Variants in SH3TC2 observed in about 807,000 individuals in gnomAD.
SH3TC2 encodes the protein SH3 domain and tetratricopeptide repeats 2.
In SH3TC2, 87 loss-of-function variants were observed where a neutral mutation model predicts 124.5. The observed-to-expected ratio is 0.70, with a 90% CI of 0.59 to 0.84. The LOEUF (loss-of-function observed/expected upper bound fraction) is 0.84, where lower values mean the gene tolerates loss of function less well. Among genes scored for constraint, SH3TC2 ranks in the 40% least tolerant of loss-of-function variants. The pLI, the probability that SH3TC2 is intolerant of heterozygous loss-of-function variation, is 0.00. For synonymous variants in SH3TC2, 634 were observed against 628.5 expected (o/e 1.01, Z -0.13); for missense variants, 1,536 against 1,566.4 (o/e 0.98, Z 0.33).
At position 148,984,532 on chromosome 5, in the gene SH3TC2, G is replaced by A. The variant is rs1453905511; in HGVS notation, c.*20179C>T. On this transcript the variant is annotated 3_prime_UTR_variant, in exon 17 of 17. Coordinates refer to ENST00000515425, the MANE Select transcript of SH3TC2 (RefSeq NM_024577.4). ...GAAGGTATGCAGGAAGAGGGAAAAG[G>A]TGAAAATTGAGCATTCCTTGACTAA... Among the ~76,000 whole-genome samples, 1 of 152,156 alleles carries A rather than the reference G, an allele frequency of 6.6e-6. No homozygotes were observed. Among genetic ancestry groups the A allele is most frequent in the Non-Finnish European group, 1.5e-5 (1 of 68,032 alleles).
rs1241172792 is a variant in SH3TC2, at chr5:148,990,265, A to C, written c.*14446T>G. Among the ~76,000 whole-genome samples, 1 of 151,320 alleles carries C rather than the reference A, an allele frequency of 6.6e-6. No homozygotes were observed. Among genetic ancestry groups the C allele is most frequent in the Non-Finnish European group, 1.5e-5 (1 of 68,016 alleles). ...TAAAATATATTCATAGTAAGATGAC[A>C]AACTGTTCCTCTTTAGAAGTACAGA... On this transcript the variant is annotated 3_prime_UTR_variant, in exon 17 of 17. Coordinates refer to ENST00000515425, the MANE Select transcript of SH3TC2 (RefSeq NM_024577.4).
rs1554121737 is a variant in SH3TC2, at chr5:149,028,195, C to A, written c.1537G>T (p.Ala513Ser). The change falls in exon 11 of 17, where the codon GCA becomes TCA. Residue 513 changes from alanine (A) to serine (S), a missense_variant. By Grantham distance (99) the Ala-to-Ser change is moderately conservative. This residue lies in a region of SH3TC2 where 1,102 missense variants were observed against 1,098.6 expected (regional missense o/e 1.00). Coordinates refer to ENST00000515425, the MANE Select transcript of SH3TC2 (RefSeq NM_024577.4). The stretch of plus-strand genomic sequence containing the variant: ...CTCTTCTTGGCCCACTTTCTTGATG[C>A]CTCCAGGTAGGCCACAAACTCATCC... ...EEDEFVAYLEASRKWAKKSHM... is the reference protein window; with the variant it reads ...EEDEFVAYLESSRKWAKKSHM... 1 of 1,614,070 alleles carries A rather than the reference C, an allele frequency of 6.2e-7. No homozygotes were observed.
chr5:149,004,856 G>T lies in SH3TC2; in HGVS notation c.3722C>A (p.Ala1241Glu). The T allele has an allele frequency of 6.2e-7, 1 of 1,614,174 alleles. No homozygotes were observed. The highest frequency in any genetic ancestry group is 8.5e-7 in the Non-Finnish European group (1 of 1,180,032). Residue 1241 changes from alanine to glutamate, a missense_variant, in exon 17 of 17, where the codon GCG becomes GAG. Physicochemically the swap from Ala to Glu is moderately radical, Grantham distance 107. Transcript: ENST00000515425. ...TEYFLLALAA[A>E]VLLGDEELQD... ...AAGCTCCTCATCACCCAGCAGGACC[G>T]CTGCTGCCAGGGCCAGAAGGAAGTA...
intron 9 of SH3TC2, among the ~76,000 whole-genome samples, chr5:149,029,253 G>C (rs1754140029): frequency 6.6e-6 from 1 of 152,194 alleles, no homozygotes; most frequent in South Asian, 2.1e-4. Flanking sequence ...TGTCCACTGG[G>C]CTGGACACTG....
At chr5:149,020,108 G>C (rs990253784) in intron 12 of SH3TC2, among the ~76,000 whole-genome samples, 5 of 49,706 alleles carry the variant, frequency 1.0e-4, no homozygotes, top group Non-Finnish European at 2.0e-4. Flanking sequence ...AACAAGAAAA[G>C]GTCAAACACA....
chr5:149,044,370 G>GA, intron 4 of SH3TC2, 163 bp downstream of exon 4: 1 of 624,324 alleles, frequency 1.6e-6, no homozygotes, highest in Non-Finnish European at 2.9e-6. Flanking sequence ...ATTTGCCTTA[G>GA]ATTTAGTTTG....
At chr5:149,008,623 A>C in intron 15 of SH3TC2, 1 of 601,914 alleles carries the variant, frequency 1.7e-6, no homozygotes, top group Non-Finnish European at 2.9e-6. Context: ...ACTGGTCTTC[A>C]TAACAACTAC....
chr5:149,042,432 A>G (rs751117386), intron 5 of SH3TC2, among the ~76,000 whole-genome samples: 1 of 152,208 alleles, frequency 6.6e-6, no homozygotes, highest in Non-Finnish European at 1.5e-5. Flanking sequence ...AATGGGCCTA[A>G]GTGGAGCCCT....
At position 148,998,019 on chromosome 5, in the gene SH3TC2, T is replaced by C. The variant is rs11168078; in HGVS notation, c.*6692A>G. ...AGGCTGGAGCCCTCCTGCACTTTTT[T>C]AGAGACCACCCTCCAGGTCAGCACT... On this transcript the variant is annotated 3_prime_UTR_variant, in exon 17 of 17. Transcript: ENST00000515425. 0.17 allele frequency among the ~76,000 whole-genome samples: 25,562 copies of C among 152,182 alleles called. 2,489 individuals are homozygous for C. Among genetic ancestry groups the C allele is most frequent in the East Asian group, 0.24 (1,259 of 5,170 alleles).
In SH3TC2 at chr5:149,019,404, T is replaced by C. The variant is rs558192821; in HGVS notation, c.3054-6670A>G. Among the ~76,000 whole-genome samples the C allele has an allele frequency of 7.4e-4, 113 of 152,330 alleles. 1 individual carries two copies. The highest frequency in any genetic ancestry group is 1.4e-3 in the Non-Finnish European group (92 of 68,020). ...GTCATTCTGCAAAGGGACAATGACC[T>C]TATGTGTACAGGGGTTTCCTCTGAC... On this transcript the variant is annotated intron_variant, in intron 12 of 16. Coordinates refer to ENST00000515425, the MANE Select transcript of SH3TC2 (RefSeq NM_024577.4).
At chr5:149,045,423 A>G (rs1754441840) in intron 3 of SH3TC2, 1 of 152,276 alleles carries the variant, frequency 6.6e-6, no homozygotes, top group Non-Finnish European at 1.5e-5. Flanking sequence ...AAAATCCTAA[A>G]TGGTACTGTG....
rs1753423329 is a variant in SH3TC2, at chr5:148,991,780, C to G, written c.*12931G>C. Among the ~76,000 whole-genome samples, 1 of 152,184 alleles carries G rather than the reference C, an allele frequency of 6.6e-6. No homozygotes were observed. Among genetic ancestry groups the G allele is most frequent in the South Asian group, 2.1e-4 (1 of 4,820 alleles). The stretch of plus-strand genomic sequence containing the variant: ...CTGGTGTCCAACCTGCCCTGAATCA[C>G]TCTATACTCACAACAGAAACAGCTG... On this transcript the variant is annotated 3_prime_UTR_variant, in exon 17 of 17. Coordinates refer to ENST00000515425, the MANE Select transcript of SH3TC2 (RefSeq NM_024577.4).
At position 149,062,887 on chromosome 5, in the gene SH3TC2, T is replaced by A. The variant is rs745833645; in HGVS notation, c.52+84A>T. ...TCTCCCCATCTTTGGGAGAAAAGTT[T>A]CTCCAACCCAGCAGGTCCCTGAGCC... On this transcript the variant is annotated intron_variant, in intron 1 of 16. Coordinates refer to ENST00000515425, the MANE Select transcript of SH3TC2 (RefSeq NM_024577.4). 8 of 1,339,446 alleles carry A rather than the reference T, an allele frequency of 6.0e-6. No homozygotes were observed. The South Asian group carries it at 7.5e-5, about 13-fold the overall frequency. The allele number at this position is 1,339,446 out of a possible 1,614,324, so 83.0% of individuals were successfully genotyped here.
In SH3TC2 at chr5:148,989,914, A is replaced by G. The variant is rs536668990; in HGVS notation, c.*14797T>C. On this transcript the variant is annotated 3_prime_UTR_variant, in exon 17 of 17. Coordinates refer to ENST00000515425, the MANE Select transcript of SH3TC2 (RefSeq NM_024577.4). Reference sequence around the variant, plus strand: ...GGAAAAATGAGATACATAACAGAAAAGAATGAGTTCTTGGGGTGTGGGGAT... The same window carrying G: ...GGAAAAATGAGATACATAACAGAAAGGAATGAGTTCTTGGGGTGTGGGGAT... 5.3e-5 allele frequency among the ~76,000 whole-genome samples: 8 copies of G among 152,296 alleles called. No homozygotes were observed. The East Asian group carries it at 1.5e-3, about 29-fold the overall frequency.
At chr5:149,040,261 G>A (rs867286757) in intron 7 of SH3TC2, among the ~76,000 whole-genome samples, 7 of 152,240 alleles carry the variant, frequency 4.6e-5, no homozygotes, top group Admixed American at 2.0e-4. Context: ...CCCACAGGCC[G>A]CATTTGGCTC....
At position 148,982,354 on chromosome 5, in the gene SH3TC2, A is replaced by G. The variant is rs191754280; in HGVS notation, c.*22357T>C. Among the ~76,000 whole-genome samples the G allele has an allele frequency of 1.5e-3, 236 of 152,336 alleles. No homozygotes were observed. The highest frequency in any genetic ancestry group is 2.7e-3 in the Non-Finnish European group (182 of 68,038). ...CAGCGTCTATCAAAACAACAAATGC[A>G]TATGCCCTTAGTATTCTGCTATTTC... On this transcript the variant is annotated 3_prime_UTR_variant, in exon 17 of 17. Coordinates refer to ENST00000515425, the MANE Select transcript of SH3TC2 (RefSeq NM_024577.4).
At chr5:149,019,638 A>G (rs1753934852) in intron 12 of SH3TC2, among the ~76,000 whole-genome samples, 1 of 152,230 alleles carries the variant, frequency 6.6e-6, no homozygotes. Flanking sequence ...AGCAATGAAA[A>G]CAGGCAAAAA....
chr5:148,982,157 A>AT lies in SH3TC2; in HGVS notation c.*22553dup, dbSNP rs55932017. On this transcript the variant is annotated 3_prime_UTR_variant, in exon 17 of 17. Transcript: ENST00000515425. Reference sequence around the variant, plus strand: ...ATGTCTCTGGAAACAGGATTCCAGTATTTTTTTTTTATTTCTGTAGTTTAA... The same window carrying AT: ...ATGTCTCTGGAAACAGGATTCCAGTATTTTTTTTTTTATTTCTGTAGTTTAA... 0.49 allele frequency among the ~76,000 whole-genome samples: 73,729 copies of AT among 150,332 alleles called. 18,753 individuals carry two copies. Among genetic ancestry groups the AT allele is most frequent in the East Asian group, 0.62 (3,183 of 5,120 alleles).
At chr5:149,038,187 C>A in intron 8 of SH3TC2, 108 bp downstream of exon 8, 1 of 1,021,852 alleles carries the variant, frequency 9.8e-7, no homozygotes. Context: ...TTTCTGGCTC[C>A]ATGTCACCAG....
Sources: allele counts gnomAD v4.1 joint callset (sites outside exome capture counted in the v4.1 genomes callset), GRCh38; gene constraint gnomAD v4.1.1; regional missense constraint gnomAD v4.1.1; transcripts MANE v1.5; gene names NCBI Gene and HGNC (gene_info 2026-07-23, HGNC 2026-07-21).